Variants in TDRD3 observed in about 807,000 individuals in gnomAD.
TDRD3 encodes tudor domain containing 3.
Under a neutral mutation model 86.7 loss-of-function variants are expected in TDRD3, and 45 were observed. The ratio of observed to expected loss-of-function variants is 0.52; its 90% CI spans 0.41 to 0.67. The LOEUF is 0.67. Among genes scored for constraint, TDRD3 ranks in the 30% least tolerant of loss-of-function variants. The pLI is 0.00. For missense variants in TDRD3, 814 were observed against 889.0 expected, an observed-to-expected ratio of 0.92 and a Z score of 1.07; for synonymous variants, 298 against 301.7, an observed-to-expected ratio of 0.99 and a Z score of 0.13.
In TDRD3 at chr13:60,439,727, T is replaced by G. The variant is rs1274108032; in HGVS notation, c.81T>G (p.Ser27=). The part of the protein sequence containing the change: ...SDEGIEACTS[S]PDKVNVNDII... ...AAGGCATTGAAGCTTGCACAAGCTCTCCAGACAAAGTCAATGTAAATGACA... is the reference window on the plus strand; with the variant it reads ...AAGGCATTGAAGCTTGCACAAGCTCGCCAGACAAAGTCAATGTAAATGACA... Residue 27 remains serine (S), a synonymous_variant, in exon 2 of 14, where the codon TCT becomes TCG. Transcript: ENST00000377881. 3.2e-6 allele frequency: 5 copies of G among 1,545,694 alleles called. No individual in the cohort carries two copies. The South Asian group carries it at 6.1e-5, about 19-fold the overall frequency.
intron 1 of TDRD3, among the ~76,000 whole-genome samples, chr13:60,399,060 G>A (rs190966431): frequency 9.9e-5 from 15 of 152,152 alleles, no homozygotes; most frequent in Admixed American, 8.5e-4. Context: ...TCCCGAACAC[G>A]TGTTGACTTT....
At chr13:60,559,029 A>G (rs1029762049) in intron 12 of TDRD3, among the ~76,000 whole-genome samples, 1 of 146,420 alleles carries the variant, frequency 6.8e-6, no homozygotes, top group African/African-American at 2.5e-5. Context: ...TAAGTTCCTG[A>G]TTTTCAGCAA....
chr13:60,407,971 T>G lies in TDRD3; in HGVS notation c.41+10566T>G, dbSNP rs530479538. ...GATAGTGAATACGTCTCGTGAGATC[T>G]GATGGGTTTTTCAGGGGTTTCCGCT... On this transcript the variant is annotated intron_variant, in intron 1 of 13. Transcript: ENST00000377881. Among the ~76,000 whole-genome samples the G allele has an allele frequency of 1.2e-4, 18 of 152,330 alleles. No homozygotes were observed. The South Asian group carries it at 3.7e-3, about 32-fold the overall frequency.
intron 1 of TDRD3, among the ~76,000 whole-genome samples, chr13:60,416,813 A>G (rs1292769388): frequency 6.6e-6 from 1 of 152,142 alleles, no homozygotes; most frequent in African/African-American, 2.4e-5. Flanking sequence ...GTGTCTTAAA[A>G]TTCACTATTC....
chr13:60,540,490 G>C lies in TDRD3; in HGVS notation c.2118+5257G>C, dbSNP rs534099379. On this transcript the variant is annotated intron_variant, in intron 12 of 13. Transcript: ENST00000377881. ...TAAAAACTGCTGACACAGAAGGACAGAGCATTTATTCATAAATGTATTCCA... is the reference window on the plus strand; with the variant it reads ...TAAAAACTGCTGACACAGAAGGACACAGCATTTATTCATAAATGTATTCCA... Among the ~76,000 whole-genome samples the C allele has an allele frequency of 5.6e-4, 86 of 152,260 alleles. 1 individual carries two copies. The Middle Eastern group carries it at 0.01, about 18-fold the overall frequency.
chr13:60,453,291 G>A (rs182636801), intron 3 of TDRD3, among the ~76,000 whole-genome samples: 308 of 152,274 alleles, frequency 2.0e-3, no homozygotes, highest in Admixed American at 3.9e-3. Flanking sequence ...TTTTCCCAAT[G>A]ACTGACTAAG....
At chr13:60,561,604 A>C (rs1002227365) in intron 12 of TDRD3, among the ~76,000 whole-genome samples, 1 of 152,154 alleles carries the variant, frequency 6.6e-6, no homozygotes, top group Admixed American at 6.5e-5. Context: ...AATAAATAAT[A>C]AAAAAATATA....
rs1452987013 is a variant in TDRD3, at chr13:60,496,720, AATG to A, written c.858+2150_858+2152del. On this transcript the variant is annotated intron_variant, in intron 8 of 13. Coordinates refer to ENST00000377881, the MANE Select transcript of TDRD3 (RefSeq NM_001146070.2). ...TTTGGTGGACAAAGTGATGAAAGAA[AATG>A]ATGAACTCAGGCATCCTATCTCCTG... is the stretch of plus-strand genomic sequence containing the variant. Among the ~76,000 whole-genome samples the A allele has an allele frequency of 3.3e-5, 5 of 152,206 alleles. No homozygotes were observed. In the East Asian group the frequency reaches 9.7e-4, roughly 29 times the overall value.
chr13:60,412,557 A>T (rs1954391730), intron 1 of TDRD3, among the ~76,000 whole-genome samples: 1 of 152,174 alleles, frequency 6.6e-6, no homozygotes, highest in Non-Finnish European at 1.5e-5. Context: ...GATAACTAGT[A>T]TGACACATCA....
chr13:60,405,255 C>G (rs947288218), intron 1 of TDRD3, among the ~76,000 whole-genome samples: 4 of 152,142 alleles, frequency 2.6e-5, no homozygotes, highest in Admixed American at 2.6e-4. Context: ...AGATGTGAGC[C>G]ACAGTGTCCA....
At chr13:60,416,215 A>T (rs1490073584) in intron 1 of TDRD3, among the ~76,000 whole-genome samples, 1 of 152,170 alleles carries the variant, frequency 6.6e-6, no homozygotes, top group Non-Finnish European at 1.5e-5. Context: ...CTAAGTGTAA[A>T]GTGTAAAGAT....
At chr13:60,488,509 G>A (rs1956501464) in intron 7 of TDRD3, among the ~76,000 whole-genome samples, 1 of 152,064 alleles carries the variant, frequency 6.6e-6, no homozygotes, top group African/African-American at 2.4e-5. Flanking sequence ...TTGACCATTT[G>A]TATGGTCTTT....
intron 13 of TDRD3, among the ~76,000 whole-genome samples, chr13:60,568,710 T>C (rs1958518494): frequency 1.3e-5 from 2 of 152,166 alleles, no homozygotes; most frequent in South Asian, 4.1e-4. Flanking sequence ...ACCACTTGTA[T>C]TCAACATAGT....
intron 12 of TDRD3, among the ~76,000 whole-genome samples, chr13:60,540,940 T>C (rs895579651): frequency 6.6e-6 from 1 of 152,194 alleles, no homozygotes; most frequent in Non-Finnish European, 1.5e-5. Context: ...TCACTCTTTT[T>C]AAAGTTATTT....
intron 3 of TDRD3, among the ~76,000 whole-genome samples, chr13:60,446,184 A>G (rs186578121): frequency 1.3e-5 from 2 of 152,142 alleles, no homozygotes; most frequent in East Asian, 3.9e-4. Flanking sequence ...TTCCAACACA[A>G]TATTAATAAA....
chr13:60,560,033 A>G (rs1416952113), intron 12 of TDRD3, among the ~76,000 whole-genome samples: 4 of 152,302 alleles, frequency 2.6e-5, no homozygotes, highest in South Asian at 2.1e-4. Flanking sequence ...CTGTGTGTCT[A>G]TACCTCAATA....
intron 10 of TDRD3, among the ~76,000 whole-genome samples, chr13:60,518,239 C>T (rs998783262): frequency 6.6e-6 from 1 of 152,174 alleles, no homozygotes; most frequent in African/African-American, 2.4e-5. Flanking sequence ...TAAGTGCTCC[C>T]AGCCCTGGCC....
rs1032821304 is a variant in TDRD3 at position 60,524,518 on chromosome 13, T to A, written c.1142-3849T>A. 3.4e-3 allele frequency among the ~76,000 whole-genome samples: 487 copies of A among 144,056 alleles called. 6 individuals carry two copies. Among genetic ancestry groups the A allele is most frequent in the East Asian group, 9.5e-3 (47 of 4,942 alleles). 94.5% of individuals were successfully genotyped at this position (144,056 alleles called of 152,430 possible). On this transcript the variant is annotated intron_variant, in intron 10 of 13. Transcript: ENST00000377881. ...TGAGGCTCCATCTCAAAAAAAAAAA[T>A]AAATAAATAAATAAAAAAAGAGAAA...
rs112858910 is a variant in TDRD3, at chr13:60,513,040, G to A, written c.1141+2285G>A. Among the ~76,000 whole-genome samples, 515 of 152,332 alleles carry A rather than the reference G, an allele frequency of 3.4e-3. 4 individuals carry two copies. The highest frequency in any genetic ancestry group is 0.012 in the African/African-American group (491 of 41,572). On this transcript the variant is annotated intron_variant, in intron 10 of 13. Transcript: ENST00000377881. ...GGGCCCGCCCCTGCAGCAAACTTCTGCCTTGGCATTCAGGCATTTTCATAT... is the reference window on the plus strand; with the variant it reads ...GGGCCCGCCCCTGCAGCAAACTTCTACCTTGGCATTCAGGCATTTTCATAT...
Sources: allele counts gnomAD v4.1 joint callset (sites outside exome capture counted in the v4.1 genomes callset), GRCh38; gene constraint gnomAD v4.1.1; transcripts MANE v1.5; gene names NCBI Gene and HGNC (gene_info 2026-07-23, HGNC 2026-07-21).